RBM33: variants seen among roughly 807,000 people sequenced by gnomAD.
RBM33 encodes RNA binding motif protein 33.
RBM33 carries 28 observed loss-of-function variants against 132.6 expected under a neutral mutation model. The ratio of observed to expected loss-of-function variants is 0.21; its 90% CI spans 0.16 to 0.29. The LOEUF is 0.29. Ranked by LOEUF, RBM33 falls within the 10% of genes least tolerant of loss-of-function variation. RBM33 has a pLI of 1.00. For missense variants in RBM33, 1,291 were observed against 1,518.5 expected, an observed-to-expected ratio of 0.85 and a Z score of 2.49; for synonymous variants, 634 against 593.0, an observed-to-expected ratio of 1.07 and a Z score of -1.01.
At chr7:155,671,290 C>A (rs6459874) in intron 2 of RBM33, among the ~76,000 whole-genome samples, 47,655 of 152,060 alleles carry the variant, frequency 0.31, 7,979 homozygotes, top group Middle Eastern at 0.42. Context: ...TTATAACTAT[C>A]CTATAGGAGT....
chr7:155,768,921 A>C (rs1308304601), intron 16 of RBM33, among the ~76,000 whole-genome samples: 1 of 152,176 alleles, frequency 6.6e-6, no homozygotes, highest in East Asian at 1.9e-4. Context: ...CTGTCACTGC[A>C]TGTTAACTAT....
Position 155,657,681 on chromosome 7 carries a change from A to G in RBM33, c.44-7494A>G, listed in dbSNP as rs1461754783. ...AGCCACTGCACCCAGTGGATGCTCTAATTAATTAGCAATGTCTGCCATGGA... is the reference window on the plus strand; with the variant it reads ...AGCCACTGCACCCAGTGGATGCTCTGATTAATTAGCAATGTCTGCCATGGA... On this transcript the variant is annotated intron_variant, in intron 1 of 17. Transcript: ENST00000401878. Among the ~76,000 whole-genome samples the G allele has an allele frequency of 3.3e-5, 5 of 152,178 alleles. No individual in the cohort carries two copies. The East Asian group carries it at 9.6e-4, about 29-fold the overall frequency.
intron 3 of RBM33, among the ~76,000 whole-genome samples, chr7:155,673,389 C>T (rs1188306559): frequency 7.2e-6 from 1 of 139,224 alleles, no homozygotes; most frequent in Non-Finnish European, 1.5e-5. Context: ...ATTTGTATAT[C>T]TATTTATATA....
Position 155,759,641 on chromosome 7 carries a change from G to T in RBM33, c.2980-4171G>T, listed in dbSNP as rs555628986. ...TCACCGTGTTAGCCAGGATGGTCTCGATCTCCTGACCTCGTGATCCACCCG... is the reference window on the plus strand; with the variant it reads ...TCACCGTGTTAGCCAGGATGGTCTCTATCTCCTGACCTCGTGATCCACCCG... On this transcript the variant is annotated intron_variant, in intron 14 of 17. Coordinates refer to ENST00000401878, the MANE Select transcript of RBM33 (RefSeq NM_053043.3). 1.8e-4 allele frequency among the ~76,000 whole-genome samples: 27 copies of T among 152,064 alleles called. No homozygotes were observed. In the East Asian group the frequency reaches 5.0e-3, roughly 28 times the overall value.
chr7:155,719,312 A>G (rs2116992224), intron 9 of RBM33, among the ~76,000 whole-genome samples: 1 of 152,296 alleles, frequency 6.6e-6, no homozygotes, highest in East Asian at 1.9e-4. Flanking sequence ...GGCTTATTTA[A>G]CTGTTTATCT....
intron 2 of RBM33, 150 bp from the exon 3 acceptor site, chr7:155,672,717 C>T (rs558009508): frequency 1.7e-5 from 9 of 529,584 alleles, no homozygotes; most frequent in African/African-American, 1.7e-4. Flanking sequence ...TGTACTCCAT[C>T]CTGGGCAACA....
chr7:155,740,745 A>T (rs1303720422), intron 12 of RBM33, among the ~76,000 whole-genome samples: 1 of 152,242 alleles, frequency 6.6e-6, no homozygotes, highest in Admixed American at 6.5e-5. Flanking sequence ...AGGGAGACAC[A>T]GTGTGGCTAG....
At chr7:155,645,452 A>C (rs903167279) in intron 1 of RBM33, among the ~76,000 whole-genome samples, 2 of 152,240 alleles carry the variant, frequency 1.3e-5, no homozygotes, top group African/African-American at 4.8e-5. Flanking sequence ...AAGTCTCAAT[A>C]AATCCCTGTT....
At position 155,673,742 on chromosome 7, in the gene RBM33, A is replaced by G. The variant is rs1027007179; in HGVS notation, c.171+827A>G. Among the ~76,000 whole-genome samples the G allele has an allele frequency of 1.0e-4, 14 of 137,604 alleles. 2 individuals carry two copies. Among genetic ancestry groups the G allele is most frequent in the African/African-American group, 3.8e-4 (14 of 37,204 alleles). The allele number at this position is 137,604 out of a possible 152,430, so 90.3% of individuals were successfully genotyped here. On this transcript the variant is annotated intron_variant, in intron 3 of 17. Coordinates refer to ENST00000401878, the MANE Select transcript of RBM33 (RefSeq NM_053043.3). Reference sequence around the variant, plus strand: ...TATATACACACACATATATACATACACACGTGTATATACGCGCGCATGCGC... The same window carrying G: ...TATATACACACACATATATACATACGCACGTGTATATACGCGCGCATGCGC...
chr7:155,741,766 T>A (rs547454340), intron 12 of RBM33, 53 bp from the exon 13 acceptor site: 2 of 1,509,088 alleles, frequency 1.3e-6, no homozygotes, highest in African/African-American at 2.8e-5. Flanking sequence ...CTTTTAATGT[T>A]CCTTCTGCCA....
chr7:155,771,711 T>C (rs1328336964), intron 16 of RBM33, among the ~76,000 whole-genome samples: 1 of 152,150 alleles, frequency 6.6e-6, no homozygotes, highest in African/African-American at 2.4e-5. Flanking sequence ...CTGCATGATA[T>C]TTTCTTTTTT....
At position 155,680,922 on chromosome 7, in the gene RBM33, C is replaced by T. The variant is rs1232540969; in HGVS notation, c.567+14C>T. On this transcript the variant is annotated intron_variant, in intron 5 of 17. Transcript: ENST00000401878. ...GATGAATTTACAGTGAGTCTTTTCT[C>T]CTTTGTATGGCCAAAGATAACCTGG... 10 of 1,601,282 alleles carry T rather than the reference C, an allele frequency of 6.2e-6. No homozygotes were observed. The highest frequency in any genetic ancestry group is 8.5e-6 in the Non-Finnish European group (10 of 1,171,394).
In RBM33 at chr7:155,740,008, G is replaced by A. The variant is rs775513968; in HGVS notation, c.2031G>A (p.Gln677=). Residue 677 remains glutamine, a synonymous_variant, in exon 12 of 18, where the codon CAG becomes CAA. Transcript: ENST00000401878. The stretch of plus-strand genomic sequence containing the variant: ...GCAGCAGCCGGATGCAGTGCCCCCA[G>A]CGCCAGGGGCTCCGGCATGTAAGTG... ...QASSSRMQCP[Q]RQGLRHNTTS... 6.4e-7 allele frequency: 1 copy of A among 1,553,592 alleles called. No homozygotes were observed. Among genetic ancestry groups the A allele is most frequent in the Non-Finnish European group, 8.7e-7 (1 of 1,145,224 alleles).
Position 155,725,203 on chromosome 7 carries a change from GTTTTTT to G in RBM33, c.1260+6776_1260+6781del, listed in dbSNP as rs59050644. On this transcript the variant is annotated intron_variant, in intron 9 of 17. Transcript: ENST00000401878. ...TAGTTGGTTCTTTCCTTTTTTAGTT[GTTTTTT>G]TTTTTTTTTTTTTTTGAATGAGGAA... Among the ~76,000 whole-genome samples the G allele has an allele frequency of 8.8e-3, 927 of 105,174 alleles. 11 individuals are homozygous for G. The highest frequency in any genetic ancestry group is 0.026 in the Middle Eastern group (5 of 192). The allele number at this position is 105,174 out of a possible 152,430, so 69.0% of individuals were successfully genotyped here.
intron 16 of RBM33, among the ~76,000 whole-genome samples, chr7:155,768,577 G>A (rs187937371): frequency 7.9e-5 from 12 of 152,180 alleles, no homozygotes; most frequent in East Asian, 3.9e-4. Context: ...CATTCCTTTG[G>A]GCCTTTTAAT....
At chr7:155,769,890 A>G (rs1802359264) in intron 16 of RBM33, among the ~76,000 whole-genome samples, 1 of 152,152 alleles carries the variant, frequency 6.6e-6, no homozygotes, top group Admixed American at 6.5e-5. Flanking sequence ...CACAACGGAA[A>G]AGCTAGTTAA....
rs1270810347 is a variant in RBM33 at position 155,776,397 on chromosome 7, A to G, written c.*1356A>G. 1 of 152,274 alleles carries G rather than the reference A, an allele frequency of 6.6e-6. No homozygotes were observed. Among genetic ancestry groups the G allele is most frequent in the Non-Finnish European group, 1.5e-5 (1 of 68,050 alleles). 9.4% of individuals were successfully genotyped at this position (152,274 alleles called of 1,614,324 possible). On this transcript the variant is annotated 3_prime_UTR_variant, in exon 18 of 18. Coordinates refer to ENST00000401878, the MANE Select transcript of RBM33 (RefSeq NM_053043.3). The surrounding 1 kb of genome is among the most constrained non-coding windows in gnomAD (Gnocchi z 4.0). ...CTTTCTTACTGCCCCTGGAGGGAGC[A>G]TGGCGCTAGGGCTCTCAGCCTCCTA... is the stretch of plus-strand genomic sequence containing the variant.
chr7:155,747,062 T>A (rs556138837), intron 14 of RBM33, among the ~76,000 whole-genome samples: 10 of 152,236 alleles, frequency 6.6e-5, no homozygotes, highest in Non-Finnish European at 1.2e-4. Context: ...GACTTTTTCA[T>A]GTGCTATAAG....
intron 3 of RBM33, among the ~76,000 whole-genome samples, chr7:155,677,792 T>C (rs1251603133): frequency 1.3e-5 from 2 of 152,246 alleles, no homozygotes; most frequent in African/African-American, 4.8e-5. Context: ...AAGTTGATTT[T>C]TCTGTCTTTA....
Sources: gnomAD v4.1 joint callset for allele counts (sites outside exome capture counted in the v4.1 genomes callset) on GRCh38, gnomAD v4.1.1 for gene constraint, Gnocchi (gnomAD v3.1) non-coding constraint, MANE v1.5 for transcripts, NCBI Gene and HGNC (gene_info 2026-07-23, HGNC 2026-07-21) for gene names.